The following MYO16 variants were observed in gnomAD, a reference collection of about 807,000 sequenced individuals.
The protein encoded by MYO16 is unconventional myosin-XVI.
Under a neutral mutation model 205.3 loss-of-function variants are expected in MYO16, and 94 were observed. The observed-to-expected ratio is 0.46, with a 90% confidence interval of 0.39 to 0.54. The LOEUF is 0.54. Ranked by LOEUF, MYO16 falls within the 20% of genes least tolerant of loss-of-function variation. The pLI, the probability that MYO16 is intolerant of heterozygous loss-of-function variation, is 0.00. For synonymous variants in MYO16, 988 were observed against 954.0 expected, an observed-to-expected ratio of 1.04 and a Z score of -0.66; for missense variants, 2,315 against 2,387.5, an observed-to-expected ratio of 0.97 and a Z score of 0.63.
At chr13:108,944,101 C>G (rs1404140212) in intron 16 of MYO16, among the ~76,000 whole-genome samples, 3 of 152,204 alleles carry the variant, frequency 2.0e-5, no homozygotes, top group Admixed American at 2.0e-4. Context: ...GGGTATTGTA[C>G]TTCTGACTCT....
intron 33 of MYO16, among the ~76,000 whole-genome samples, chr13:109,174,748 C>CTTTTTTTTTTTTTTT (rs34606084): frequency 2.3e-5 from 2 of 85,628 alleles, no homozygotes; most frequent in African/African-American, 7.9e-5. Flanking sequence ...CTTGTCTTGT[C>CTTTTTTTTTTTTTTT]TTTTTTTTTT....
chr13:108,726,346 G>A (rs1242992350), intron 3 of MYO16, among the ~76,000 whole-genome samples: 4 of 151,990 alleles, frequency 2.6e-5, no homozygotes, highest in Non-Finnish European at 5.9e-5. Context: ...GGATCACGAT[G>A]TCAAGAGATT....
intron 28 of MYO16, among the ~76,000 whole-genome samples, chr13:109,106,620 A>G (rs924188117): frequency 6.6e-6 from 1 of 152,208 alleles, no homozygotes; most frequent in Non-Finnish European, 1.5e-5. Flanking sequence ...TGAATGCTAT[A>G]TTCATTTTAA....
At chr13:108,780,287 G>C (rs1201463491) in intron 4 of MYO16, among the ~76,000 whole-genome samples, 1 of 151,282 alleles carries the variant, frequency 6.6e-6, no homozygotes, top group Admixed American at 6.6e-5. Flanking sequence ...TGTTGGGAAA[G>C]TTAGTAATCA....
intron 2 of MYO16, among the ~76,000 whole-genome samples, chr13:108,692,269 G>C (rs1882927014): frequency 6.6e-6 from 1 of 152,184 alleles, no homozygotes; most frequent in Non-Finnish European, 1.5e-5. Flanking sequence ...GATTTTTCAT[G>C]AAACAGAAAT....
chr13:108,727,820 A>G (rs2139584851), intron 4 of MYO16, among the ~76,000 whole-genome samples: 1 of 152,368 alleles, frequency 6.6e-6, no homozygotes, highest in Admixed American at 6.5e-5. Context: ...TTCCTTGGGA[A>G]TTATATGCCT....
At chr13:109,048,403 T>A (rs1236021622) in intron 24 of MYO16, 1 of 705,074 alleles carries the variant, frequency 1.4e-6, no homozygotes, top group Admixed American at 2.2e-5. Flanking sequence ...ATACAGGAGG[T>A]GTCAGATTTT....
At chr13:108,971,700 T>C (rs1231595977) in intron 20 of MYO16, among the ~76,000 whole-genome samples, 1 of 152,118 alleles carries the variant, frequency 6.6e-6, no homozygotes, top group Non-Finnish European at 1.5e-5. Flanking sequence ...AGTATTTTAG[T>C]TGACCTAAAC....
chr13:108,695,403 A>G (rs1315729652), intron 2 of MYO16, among the ~76,000 whole-genome samples: 4 of 152,156 alleles, frequency 2.6e-5, no homozygotes, highest in Non-Finnish European at 5.9e-5. Flanking sequence ...CTATTTCAGT[A>G]CCACACTGTT....
intron 4 of MYO16, among the ~76,000 whole-genome samples, chr13:108,754,834 G>T (rs985718365): frequency 1.3e-5 from 2 of 152,034 alleles, no homozygotes; most frequent in African/African-American, 2.4e-5. Flanking sequence ...AGTGTACATG[G>T]TATTAGTTTG....
chr13:108,895,624 GA>G (rs1880376237), intron 14 of MYO16, among the ~76,000 whole-genome samples: 1 of 152,184 alleles, frequency 6.6e-6, no homozygotes, highest in Non-Finnish European at 1.5e-5. Flanking sequence ...TTAAGTGTGT[GA>G]TTCTGAAAGC....
chr13:108,842,088 G>A (rs1029535593), intron 9 of MYO16, among the ~76,000 whole-genome samples: 34 of 151,920 alleles, frequency 2.2e-4, no homozygotes, highest in African/African-American at 8.2e-4. Context: ...ATGGATGAAA[G>A]ACTTAAATAT....
the MYO16 span, among the ~76,000 whole-genome samples, chr13:108,528,421 G>A: frequency 6.6e-6 from 1 of 152,084 alleles, no homozygotes; most frequent in East Asian, 1.9e-4. Context: ...ATACAGTGAG[G>A]AGACATGGAG....
chr13:109,099,973 C>T (rs558606522), intron 27 of MYO16, among the ~76,000 whole-genome samples: 4 of 152,300 alleles, frequency 2.6e-5, no homozygotes, highest in African/African-American at 7.2e-5. Context: ...CTTCGGCTTG[C>T]GGAACAGCCG....
the MYO16 span, among the ~76,000 whole-genome samples, chr13:108,500,827 T>C: frequency 6.6e-6 from 1 of 152,076 alleles, no homozygotes; most frequent in Non-Finnish European, 1.5e-5. Flanking sequence ...CTTGAATGAT[T>C]TTCTATCATC....
intron 25 of MYO16, among the ~76,000 whole-genome samples, chr13:109,054,619 G>A (rs78667595): frequency 0.065 from 9,859 of 152,104 alleles, 413 homozygotes; most frequent in Non-Finnish European, 0.094. Context: ...AATGAGTGCA[G>A]GATGGTGATA....
chr13:108,667,399 G>C (rs1193506614), intron 2 of MYO16, among the ~76,000 whole-genome samples: 1 of 149,808 alleles, frequency 6.7e-6, no homozygotes, highest in African/African-American at 2.5e-5. Flanking sequence ...AAAACATTTG[G>C]TGTGATCCAC....
rs754734343 is a variant in MYO16 at position 109,127,416 on chromosome 13, A to G, written c.3917A>G (p.Asp1306Gly). The change falls in exon 31 of 35, where the codon GAT becomes GGT. Residue 1306 changes from aspartate to glycine, a missense_variant. Physicochemically the swap from Asp to Gly is moderately conservative, Grantham distance 94. Coordinates refer to ENST00000457511, the MANE Select transcript of MYO16 (RefSeq NM_001198950.3). This position sits in a 1 kb window ranked among gnomAD's most constrained non-coding sequence, Gnocchi z 4.2. ...TCGCTGCACTCGGTGTTCAGCATGG[A>G]TGACAGCAGCAGCCTCCCGTCTCCA... ...SPSLHSVFSMDDSSSLPSPRK... is the reference protein window; with the variant it reads ...SPSLHSVFSMGDSSSLPSPRK... 1 of 1,613,880 alleles carries G rather than the reference A, an allele frequency of 6.2e-7. No individual in the cohort carries two copies. The highest frequency in any genetic ancestry group is 1.3e-5 in the African/African-American group (1 of 74,912).
At chr13:109,001,431 G>A (rs555337948) in intron 21 of MYO16, among the ~76,000 whole-genome samples, 3 of 152,050 alleles carry the variant, frequency 2.0e-5, no homozygotes, top group Admixed American at 1.3e-4. Flanking sequence ...TTAGCTTATC[G>A]GCAGAGGTAG....
Sources: allele counts gnomAD v4.1 joint callset (sites outside exome capture counted in the v4.1 genomes callset), GRCh38; gene constraint gnomAD v4.1.1; non-coding constraint Gnocchi (gnomAD v3.1); transcripts MANE v1.5; gene names NCBI Gene and HGNC (gene_info 2026-07-23, HGNC 2026-07-21).